DPYD: variants seen among roughly 807,000 people sequenced by gnomAD.
The protein encoded by DPYD is dihydropyrimidine dehydrogenase.
Under a neutral mutation model 116.2 loss-of-function variants are expected in DPYD, and 109 were observed. That is an observed-to-expected ratio of 0.94 (90% CI 0.80 to 1.10). DPYD has a LOEUF of 1.10. Ranked by LOEUF, DPYD falls within the 50% of genes least tolerant of loss-of-function variation. DPYD has a pLI of 0.00. For synonymous variants in DPYD, 440 were observed against 432.0 expected, an observed-to-expected ratio of 1.02 and a Z score of -0.23; for missense variants, 1,302 against 1,254.5, an observed-to-expected ratio of 1.04 and a Z score of -0.57.
chr1:97,184,002 G>T (rs893295219), intron 20 of DPYD, among the ~76,000 whole-genome samples: 5 of 152,106 alleles, frequency 3.3e-5, no homozygotes, highest in Non-Finnish European at 7.4e-5. Flanking sequence ...CCACTTATGA[G>T]TGACAAAATG....
chr1:97,888,420 A>G (rs575576370), intron 1 of DPYD, among the ~76,000 whole-genome samples: 18 of 152,154 alleles, frequency 1.2e-4, no homozygotes, highest in Non-Finnish European at 1.0e-4. Flanking sequence ...TGAAAAAGAA[A>G]AGACAAAGCA....
chr1:97,681,412 TAGAG>T (rs1208812608), intron 7 of DPYD, among the ~76,000 whole-genome samples: 3 of 152,128 alleles, frequency 2.0e-5, no homozygotes, highest in Non-Finnish European at 2.9e-5. Context: ...AACTGGATCA[TAGAG>T]GGCAATGTTT....
At chr1:97,242,122 G>GTATATATATATATA (rs1353473800) in intron 18 of DPYD, among the ~76,000 whole-genome samples, 1 of 71,590 alleles carries the variant, frequency 1.4e-5, no homozygotes, top group African/African-American at 5.1e-5. Flanking sequence ...GTGTGTGCGT[G>GTATATATATATATA]TGTATATATA....
At chr1:97,514,287 AT>A (rs1444583992) in intron 13 of DPYD, 1 of 950,254 alleles carries the variant, frequency 1.1e-6, no homozygotes, top group East Asian at 1.2e-4. Flanking sequence ...GATGTCTCTG[AT>A]TAATCAGAAT....
rs577494208 is a variant in DPYD, at chr1:97,720,026, G to A, written c.483+1484C>T. The A allele has an allele frequency of 4.1e-6, 4 of 984,942 alleles. No homozygotes were observed. In the African/African-American group the frequency reaches 5.2e-5, roughly 13 times the overall value. The allele number at this position is 984,942 out of a possible 1,614,324, so 61.0% of individuals were successfully genotyped here. On this transcript the variant is annotated intron_variant, in intron 5 of 22. Coordinates refer to ENST00000370192, the MANE Select transcript of DPYD (RefSeq NM_000110.4). ...CATGTCTCTGTCTTAAATAGACTCT[G>A]CTCTGGGAATGAGTGGTAGAACCAA...
At chr1:97,269,193 C>T (rs1664418953) in intron 18 of DPYD, among the ~76,000 whole-genome samples, 1 of 152,112 alleles carries the variant, frequency 6.6e-6, no homozygotes, top group African/African-American at 2.4e-5. Context: ...CTCAAGTCTC[C>T]AATACCACAT....
chr1:97,679,219 A>C, intron 7 of DPYD, 37 bp from the exon 8 acceptor site: 1 of 1,140,048 alleles, frequency 8.8e-7, no homozygotes, highest in East Asian at 2.5e-5. Flanking sequence ...AAAATTTGGC[A>C]TATGATTAAT....
At chr1:97,338,011 T>G (rs1418394635) in intron 16 of DPYD, among the ~76,000 whole-genome samples, 1 of 152,190 alleles carries the variant, frequency 6.6e-6, no homozygotes, top group East Asian at 1.9e-4. Context: ...CTCCTTCTCC[T>G]TTTCTAAATG....
intron 13 of DPYD, among the ~76,000 whole-genome samples, chr1:97,504,284 G>C (rs2811184): frequency 0.59 from 89,902 of 151,692 alleles, 26,809 homozygotes; most frequent in East Asian, 0.75. Context: ...TCGAAAAGGT[G>C]TGAGTTGTCT....
Position 97,169,161 on chromosome 1 carries a change from G to T in DPYD, c.2622+23908C>A, listed in dbSNP as rs113206364. Among the ~76,000 whole-genome samples the T allele has an allele frequency of 9.5e-3, 1,441 of 152,108 alleles. 10 individuals are homozygous for T. The highest frequency in any genetic ancestry group is 0.016 in the Non-Finnish European group (1,056 of 67,966). On this transcript the variant is annotated intron_variant, in intron 20 of 22. Coordinates refer to ENST00000370192, the MANE Select transcript of DPYD (RefSeq NM_000110.4). ...CTACACCCAGCAGTGATTCTGTTTT[G>T]CTCAAGAAGAATAATCAAACTGATG...
chr1:97,827,411 T>C (rs1305099409), intron 3 of DPYD, among the ~76,000 whole-genome samples: 1 of 152,094 alleles, frequency 6.6e-6, no homozygotes, highest in Non-Finnish European at 1.5e-5. Flanking sequence ...TCTCACTCTG[T>C]GGATGATGAG....
intron 3 of DPYD, among the ~76,000 whole-genome samples, chr1:97,820,252 T>C (rs1010520882): frequency 3.9e-5 from 6 of 152,222 alleles, no homozygotes; most frequent in African/African-American, 1.4e-4. Context: ...TACTGAATAC[T>C]AACAGAGGAG....
chr1:97,223,569 ACAGT>A (rs1660917273), intron 19 of DPYD, among the ~76,000 whole-genome samples: 1 of 152,020 alleles, frequency 6.6e-6, no homozygotes, highest in Non-Finnish European at 1.5e-5. Flanking sequence ...ATAGAAACCT[ACAGT>A]CATTCAGTGA....
intron 13 of DPYD, among the ~76,000 whole-genome samples, chr1:97,505,400 G>T (rs949432129): frequency 6.6e-6 from 1 of 151,172 alleles, no homozygotes; most frequent in Non-Finnish European, 1.5e-5. Context: ...GACTATCCGT[G>T]TGCTATCCCT....
At chr1:97,521,011 A>G (rs999665260) in intron 12 of DPYD, among the ~76,000 whole-genome samples, 1 of 152,180 alleles carries the variant, frequency 6.6e-6, no homozygotes, top group Non-Finnish European at 1.5e-5. Flanking sequence ...TTGCTGGGTC[A>G]AATGGTATTT....
At chr1:97,642,632 C>G (rs1271381922) in intron 8 of DPYD, among the ~76,000 whole-genome samples, 1 of 147,990 alleles carries the variant, frequency 6.8e-6, no homozygotes, top group Non-Finnish European at 1.5e-5. Context: ...ATCGCAAGAA[C>G]AAAAAACCAA....
chr1:97,099,054 T>C (rs562503954), intron 20 of DPYD, among the ~76,000 whole-genome samples: 3 of 152,256 alleles, frequency 2.0e-5, no homozygotes, highest in East Asian at 1.9e-4. Flanking sequence ...GACACAGTTG[T>C]AGTCCCTGAC....
intron 18 of DPYD, among the ~76,000 whole-genome samples, chr1:97,251,391 TAAAAAAAAAAAAAA>T (rs10581072): frequency 2.1e-5 from 2 of 95,360 alleles, no homozygotes; most frequent in Admixed American, 1.3e-4. Flanking sequence ...AAACTCTGTC[TAAAAAAAAAAAAAA>T]AAAAAAAAGA....
At chr1:97,708,129 C>G (rs569739261) in intron 5 of DPYD, among the ~76,000 whole-genome samples, 9 of 152,116 alleles carry the variant, frequency 5.9e-5, no homozygotes, top group Non-Finnish European at 1.2e-4. Flanking sequence ...TGCCACCACA[C>G]CCAGCTCAGA....
Sources: allele counts gnomAD v4.1 joint callset (sites outside exome capture counted in the v4.1 genomes callset), GRCh38; gene constraint gnomAD v4.1.1; transcripts MANE v1.5; gene names NCBI Gene and HGNC (gene_info 2026-07-23, HGNC 2026-07-21).